The following RNF130 variants were observed in gnomAD, a reference collection of about 807,000 sequenced individuals.
RNF130 encodes the protein ring finger protein 130, also known as E3 ubiquitin-protein ligase RNF130.
RNF130 carries 21 observed loss-of-function variants against 44.6 expected under a neutral mutation model. The observed-to-expected ratio is 0.47, with a 90% CI of 0.33 to 0.68. The LOEUF is 0.68. Ranked by LOEUF, RNF130 falls within the 30% of genes least tolerant of loss-of-function variation. The pLI is 0.02. For synonymous variants in RNF130, 214 were observed against 210.4 expected (o/e 1.02, Z -0.15); for missense variants, 479 against 560.6 (o/e 0.85, Z 1.47).
At chr5:179,966,706 T>C in intron 7 of RNF130, 100 bp downstream of exon 7, 1 of 977,292 alleles carries the variant, frequency 1.0e-6, no homozygotes, top group Non-Finnish European at 1.6e-6. Flanking sequence ...GGTTACAGTC[T>C]GTGTTGCAGG....
intron 7 of RNF130, among the ~76,000 whole-genome samples, chr5:179,964,840 T>C (rs1762406879): frequency 6.6e-6 from 1 of 152,206 alleles, no homozygotes; most frequent in African/African-American, 2.4e-5. Context: ...AGCCACGGCC[T>C]CTCAAATTAC....
intron 1 of RNF130, among the ~76,000 whole-genome samples, chr5:180,059,217 C>A (rs1190114740): frequency 6.6e-6 from 1 of 152,128 alleles, no homozygotes; most frequent in African/African-American, 2.4e-5. Context: ...TCCTTTCTGC[C>A]CCCTCTCAGT....
intron 1 of RNF130, among the ~76,000 whole-genome samples, chr5:180,051,574 C>T (rs1477494509): frequency 6.6e-6 from 1 of 152,140 alleles, no homozygotes; most frequent in East Asian, 1.9e-4. Flanking sequence ...CAGCAAAATA[C>T]CTTCTGGACA....
intron 2 of RNF130, among the ~76,000 whole-genome samples, chr5:180,015,732 G>A (rs1205857847): frequency 4.9e-4 from 72 of 147,826 alleles, no homozygotes; most frequent in African/African-American, 1.8e-3. Context: ...TAGGAAAGGA[G>A]TAGGAAAAGG....
downstream of RNF130, among the ~76,000 whole-genome samples, chr5:179,953,814 G>A (rs542283899): frequency 6.6e-6 from 1 of 152,086 alleles, no homozygotes; most frequent in Non-Finnish European, 1.5e-5. Context: ...CCAAGAAAGT[G>A]AATAAATAGT....
chr5:179,981,084 T>C (rs1762826185), intron 3 of RNF130, among the ~76,000 whole-genome samples: 1 of 151,560 alleles, frequency 6.6e-6, no homozygotes, highest in Non-Finnish European at 1.5e-5. Context: ...GGGAAAGGCG[T>C]AGGGTTAGGA....
At chr5:179,993,514 A>G (rs1244725275) in intron 3 of RNF130, among the ~76,000 whole-genome samples, 2 of 152,158 alleles carry the variant, frequency 1.3e-5, no homozygotes, top group Non-Finnish European at 2.9e-5. Context: ...TGGCTGCATA[A>G]ATGTCTTCTT....
At chr5:179,989,569 T>C (rs933334305) in intron 3 of RNF130, among the ~76,000 whole-genome samples, 4 of 152,216 alleles carry the variant, frequency 2.6e-5, no homozygotes, top group African/African-American at 4.8e-5. Context: ...TAGCTATTCT[T>C]ACTGCTTTTG....
At chr5:180,064,755 CTG>C (rs1279039741) in intron 1 of RNF130, among the ~76,000 whole-genome samples, 3 of 152,350 alleles carry the variant, frequency 2.0e-5, no homozygotes, top group African/African-American at 7.2e-5. Context: ...CCTTTGTCAT[CTG>C]TGTTTGTAGA....
chr5:179,950,387 GATTACA>G (rs1762108274), downstream of RNF130, among the ~76,000 whole-genome samples: 2 of 152,122 alleles, frequency 1.3e-5, no homozygotes, highest in African/African-American at 2.4e-5. Context: ...AAAGTGTTGG[GATTACA>G]GGTGTGAGCC....
chr5:179,978,097 C>A, intron 5 of RNF130, 106 bp downstream of exon 5: 1 of 929,464 alleles, frequency 1.1e-6, no homozygotes, highest in Non-Finnish European at 1.7e-6. Context: ...CTCCAGAAAG[C>A]CACGAGGTGG....
intron 1 of RNF130, among the ~76,000 whole-genome samples, chr5:180,055,618 G>GTA (rs1764801285): frequency 6.6e-6 from 1 of 152,182 alleles, no homozygotes; most frequent in African/African-American, 2.4e-5. Context: ...ACTGCCAACA[G>GTA]TATAATAGCC....
chr5:180,059,817 C>T (rs1764930689), intron 1 of RNF130, among the ~76,000 whole-genome samples: 1 of 152,278 alleles, frequency 6.6e-6, no homozygotes, highest in East Asian at 1.9e-4. Context: ...AGGCCTGCTA[C>T]GTGAGAGAGG....
intron 2 of RNF130, among the ~76,000 whole-genome samples, chr5:180,022,231 T>C (rs530700535): frequency 6.6e-5 from 10 of 152,224 alleles, no homozygotes; most frequent in Non-Finnish European, 1.5e-4. Flanking sequence ...CCCTTTGTAA[T>C]TAGTATGTAT....
chr5:179,960,538 T>C (rs981840276), intron 8 of RNF130, among the ~76,000 whole-genome samples: 47 of 152,272 alleles, frequency 3.1e-4, no homozygotes, highest in African/African-American at 1.1e-3. Flanking sequence ...CTTGTGTAGT[T>C]AGCAACCCAC....
chr5:180,055,248 C>CAAAAAAAAAAAAAAA (rs1205914690), intron 1 of RNF130, among the ~76,000 whole-genome samples: 15 of 20,962 alleles, frequency 7.2e-4, no homozygotes, highest in East Asian at 2.5e-3. Context: ...GGTTCTGTCT[C>CAAAAAAAAAAAAAAA]AAAAAAAAAA....
At chr5:180,067,336 T>A (rs1246404916) in intron 1 of RNF130, among the ~76,000 whole-genome samples, 1 of 152,214 alleles carries the variant, frequency 6.6e-6, no homozygotes, top group East Asian at 1.9e-4. Context: ...ATTCTGACCC[T>A]GCTATCAAAT....
intron 3 of RNF130, among the ~76,000 whole-genome samples, chr5:180,006,390 T>G (rs1763463570): frequency 1.3e-5 from 2 of 152,226 alleles, no homozygotes; most frequent in African/African-American, 4.8e-5. Context: ...GTTCCATATA[T>G]TTCCACATTC....
chr5:180,044,867 GCAT>G (rs1160330241), intron 1 of RNF130, among the ~76,000 whole-genome samples: 1 of 152,114 alleles, frequency 6.6e-6, no homozygotes, highest in Non-Finnish European at 1.5e-5. Flanking sequence ...ATTCACTGAG[GCAT>G]CATAATTGGC....
Sources: allele counts gnomAD v4.1 joint callset (sites outside exome capture counted in the v4.1 genomes callset), GRCh38; gene constraint gnomAD v4.1.1; transcripts MANE v1.5; gene names NCBI Gene and HGNC (gene_info 2026-07-23, HGNC 2026-07-21).